LRTM3: variants seen among roughly 807,000 people sequenced by gnomAD.
The protein encoded by LRTM3 is leucine-rich repeat transmembrane protein 3.
chr13:102,735,441 C>T, the LRTM3 span: 3 of 1,551,274 alleles, frequency 1.9e-6, no homozygotes, highest in African/African-American at 2.7e-5. Flanking sequence ...TCTGTTGTAT[C>T]AAACTTAAGA....
At chr13:102,734,431 C>T in the LRTM3 span, 492 of 1,551,372 alleles carry the variant, frequency 3.2e-4, 3 homozygotes, top group South Asian at 4.2e-3. Flanking sequence ...TTCTTTGAAT[C>T]ATACCTGGTG....
chr13:102,729,570 T>C, the LRTM3 span: 2 of 1,524,844 alleles, frequency 1.3e-6, no homozygotes, highest in Non-Finnish European at 1.8e-6. Context: ...AAGTTTCTTT[T>C]CCTTAAGGTT....
chr13:102,741,519 T>A, the LRTM3 span: 1 of 1,549,844 alleles, frequency 6.5e-7, no homozygotes, highest in Non-Finnish European at 8.7e-7. Context: ...ATTTTTCTGT[T>A]AATGTACACA....
chr13:102,737,451 GCTCTGTGCCTA>G, the LRTM3 span: 1 of 1,550,598 alleles, frequency 6.4e-7, no homozygotes, highest in Non-Finnish European at 8.7e-7. Context: ...CTTTTCTCTT[GCTCTGTGCCTA>G]CTCCATCTGC....
At chr13:102,745,028 G>T in the LRTM3 span, 1 of 1,550,816 alleles carries the variant, frequency 6.4e-7, no homozygotes, top group South Asian at 1.2e-5. Context: ...TGTACATATT[G>T]TGCCATTTTG....
At chr13:102,736,841 T>G in the LRTM3 span, 1 of 1,551,054 alleles carries the variant, frequency 6.4e-7, no homozygotes, top group Non-Finnish European at 8.7e-7. Flanking sequence ...ACCTGTGATA[T>G]CATTCAAATA....
chr13:102,734,166 G>T, the LRTM3 span: 1 of 1,551,384 alleles, frequency 6.4e-7, no homozygotes, highest in East Asian at 2.4e-5. Flanking sequence ...CTTGCCTCTT[G>T]GCAGTGTATC....
the LRTM3 span, chr13:102,736,645 C>A: frequency 6.4e-7 from 1 of 1,550,716 alleles, no homozygotes; most frequent in Non-Finnish European, 8.7e-7. Flanking sequence ...CTATTTCCAC[C>A]TCACCTTCTT....
At chr13:102,742,536 G>T in the LRTM3 span, 1 of 1,550,494 alleles carries the variant, frequency 6.4e-7, no homozygotes, top group Non-Finnish European at 8.7e-7. Context: ...ACAGATTCTG[G>T]ATTAAACTCT....
At chr13:102,737,417 T>C in the LRTM3 span, 2 of 1,550,776 alleles carry the variant, frequency 1.3e-6, no homozygotes, top group Admixed American at 3.9e-5. Flanking sequence ...GAGAACTGTT[T>C]CCTGTTTACT....
the LRTM3 span, chr13:102,740,632 A>G: frequency 6.5e-7 from 1 of 1,548,546 alleles, no homozygotes; most frequent in African/African-American, 1.4e-5. Flanking sequence ...TTAAATAGTC[A>G]TAATGTGGAA....
the LRTM3 span, chr13:102,741,189 T>C: frequency 1.3e-6 from 2 of 1,549,502 alleles, no homozygotes; most frequent in Admixed American, 3.9e-5. Flanking sequence ...GAAAAGTCCA[T>C]TTTCTGTCTA....
the LRTM3 span, among the ~76,000 whole-genome samples, chr13:102,754,140 G>T: frequency 6.8e-6 from 1 of 148,036 alleles, no homozygotes; most frequent in Admixed American, 6.9e-5. Flanking sequence ...AGGAGATGAA[G>T]GTTGCAGTGA....
chr13:102,732,648 C>A, the LRTM3 span: 8 of 1,551,072 alleles, frequency 5.2e-6, no homozygotes, highest in African/African-American at 1.4e-5. Context: ...ATTTGAGATT[C>A]CTCTGCCTTT....
At chr13:102,739,541 A>G in the LRTM3 span, 59 of 1,550,288 alleles carry the variant, frequency 3.8e-5, no homozygotes, top group Non-Finnish European at 4.4e-5. Flanking sequence ...TGTCAGTTTC[A>G]TACTTGATTT....
chr13:102,746,402 T>C, the LRTM3 span: 1 of 1,551,112 alleles, frequency 6.4e-7, no homozygotes, highest in Non-Finnish European at 8.7e-7. Flanking sequence ...TTGCTTTAAT[T>C]GAGACGCAGG....
chr13:102,733,970 C>T, the LRTM3 span: 1 of 1,551,326 alleles, frequency 6.4e-7, no homozygotes, highest in African/African-American at 1.4e-5. Flanking sequence ...TCCTGTAATT[C>T]CTGGAGTGTC....
At chr13:102,753,659 G>A in the LRTM3 span, among the ~76,000 whole-genome samples, 2 of 152,110 alleles carry the variant, frequency 1.3e-5, no homozygotes, top group African/African-American at 4.8e-5. Context: ...CACCTAATTT[G>A]TGATACGTTG....
At chr13:102,730,484 T>C in the LRTM3 span, 1 of 1,551,562 alleles carries the variant, frequency 6.4e-7, no homozygotes, top group African/African-American at 1.4e-5. Context: ...TGTATTTCTT[T>C]CTTGAAACCA....
Sources: allele counts gnomAD v4.1 joint callset (sites outside exome capture counted in the v4.1 genomes callset), GRCh38; gene constraint gnomAD v4.1.1; transcripts MANE v1.5; gene names NCBI Gene and HGNC (gene_info 2026-07-23, HGNC 2026-07-21).